USP48: variants seen among roughly 807,000 people sequenced by gnomAD.
USP48 encodes ubiquitin carboxyl-terminal hydrolase 48.
USP48 carries 43 observed loss-of-function variants against 150.7 expected under a neutral mutation model. The observed-to-expected ratio is 0.29, with a 90% confidence interval of 0.22 to 0.37. The LOEUF is 0.37. Ranked by LOEUF, USP48 falls within the 10% of genes least tolerant of loss-of-function variation. USP48 has a pLI of 1.00. For synonymous variants in USP48, 396 were observed against 425.9 expected (o/e 0.93, Z 0.86); for missense variants, 813 against 1,249.6 (o/e 0.65, Z 5.27).
intron 11 of USP48, among the ~76,000 whole-genome samples, chr1:21,726,886 T>C (rs1178681190): frequency 6.6e-6 from 1 of 152,084 alleles, no homozygotes; most frequent in Non-Finnish European, 1.5e-5. Flanking sequence ...AACCTCAGCA[T>C]TTGATGAGGA....
chr1:21,723,218 G>A (rs2097726641), intron 12 of USP48, among the ~76,000 whole-genome samples: 2 of 152,040 alleles, frequency 1.3e-5, no homozygotes. Flanking sequence ...CTCACACACT[G>A]TTAGAAGTCA....
intron 15 of USP48, among the ~76,000 whole-genome samples, chr1:21,707,800 T>C (rs541148139): frequency 2.0e-5 from 3 of 152,220 alleles, no homozygotes; most frequent in Non-Finnish European, 2.9e-5. Flanking sequence ...CTTTCCATAA[T>C]AAATGAATTT....
chr1:21,755,073 TTCC>T (rs1312643134), intron 3 of USP48, among the ~76,000 whole-genome samples: 1 of 152,212 alleles, frequency 6.6e-6, no homozygotes, highest in African/African-American at 2.4e-5. Flanking sequence ...TATTAATCAA[TTCC>T]TCATTTCTCT....
chr1:21,692,013 TGTG>T (rs1231553728), intron 23 of USP48, among the ~76,000 whole-genome samples: 1 of 152,136 alleles, frequency 6.6e-6, no homozygotes, highest in Non-Finnish European at 1.5e-5. Context: ...CCTTGAACTG[TGTG>T]TGTAACAGGG....
At chr1:21,762,585 G>A (rs934848249) in intron 1 of USP48, among the ~76,000 whole-genome samples, 5 of 151,920 alleles carry the variant, frequency 3.3e-5, no homozygotes, top group Admixed American at 2.6e-4. Flanking sequence ...TTTTTCACAC[G>A]GGCCGGGCGC....
chr1:21,683,611 T>G (rs1407467736), intron 25 of USP48, among the ~76,000 whole-genome samples: 2 of 152,202 alleles, frequency 1.3e-5, no homozygotes, highest in Non-Finnish European at 2.9e-5. Flanking sequence ...GGTCCTGAAC[T>G]CTTGGGTTCA....
At chr1:21,681,004 G>C (rs997753004) in intron 25 of USP48, 170 bp from the exon 26 acceptor site, 1 of 576,344 alleles carries the variant, frequency 1.7e-6, no homozygotes, top group Non-Finnish European at 3.0e-6. Flanking sequence ...AACAATCTTT[G>C]TTTCTGTTTT....
chr1:21,729,005 G>A (rs1433234372), intron 10 of USP48, among the ~76,000 whole-genome samples: 1 of 152,082 alleles, frequency 6.6e-6, no homozygotes, highest in African/African-American at 2.4e-5. Flanking sequence ...ATGACGCCAG[G>A]CGGGCGCAGT....
chr1:21,736,384 C>T, intron 9 of USP48, 62 bp downstream of exon 9: 1 of 1,442,012 alleles, frequency 6.9e-7, no homozygotes, highest in Non-Finnish European at 9.3e-7. Context: ...TAATTTATCA[C>T]AAATATTTCT....
At chr1:21,778,278 CA>C (rs1168598531) in intron 1 of USP48, among the ~76,000 whole-genome samples, 1 of 151,908 alleles carries the variant, frequency 6.6e-6, no homozygotes, top group Non-Finnish European at 1.5e-5. Flanking sequence ...AATAAGTACA[CA>C]AAAAGATGTT....
At chr1:21,738,476 C>T (rs1277417994) in intron 8 of USP48, among the ~76,000 whole-genome samples, 2 of 151,632 alleles carry the variant, frequency 1.3e-5, no homozygotes, top group Non-Finnish European at 2.9e-5. Flanking sequence ...CTTGCCTCAA[C>T]CTCCCAAGTA....
chr1:21,746,047 C>A (rs2097793733), intron 8 of USP48, among the ~76,000 whole-genome samples: 1 of 152,110 alleles, frequency 6.6e-6, no homozygotes. Flanking sequence ...CCCAACTTTC[C>A]CAATCATGTC....
intron 8 of USP48, 136 bp downstream of exon 8, chr1:21,746,931 T>C (rs1480523935): frequency 1.4e-5 from 9 of 623,414 alleles, no homozygotes; most frequent in East Asian, 3.0e-5. Flanking sequence ...AAAGTCTTTG[T>C]TCCCAGACAG....
At position 21,705,910 on chromosome 1, in the gene USP48, A is replaced by C. The variant is rs1483668297; in HGVS notation, c.2274-73T>G. On this transcript the variant is annotated intron_variant, in intron 18 of 26. Transcript: ENST00000308271. Reference sequence around the variant, plus strand: ...CGAAAGAGAAGATTTTAAAATAATTATTTCAAAATCAGAGATATATTTAAG... The same window carrying C: ...CGAAAGAGAAGATTTTAAAATAATTCTTTCAAAATCAGAGATATATTTAAG... The C allele has an allele frequency of 1.3e-5, 16 of 1,274,306 alleles. No homozygotes were observed. In the South Asian group the frequency reaches 2.3e-4, roughly 19 times the overall value. The allele number at this position is 1,274,306 out of a possible 1,614,324, so 78.9% of individuals were successfully genotyped here. A position where few individuals can be genotyped will look rare whatever the true frequency, so the allele number is the denominator to read the frequency against.
chr1:21,759,168 A>AGC (rs2097844106), intron 1 of USP48, among the ~76,000 whole-genome samples: 1 of 135,124 alleles, frequency 7.4e-6, no homozygotes, highest in Admixed American at 7.7e-5. Context: ...GGCAACAGAG[A>AGC]GAGACACGGT....
intron 7 of USP48, 102 bp downstream of exon 7, chr1:21,748,036 C>A: frequency 8.2e-7 from 1 of 1,225,096 alleles, no homozygotes; most frequent in Non-Finnish European, 1.1e-6. Context: ...ATCCTCAAAT[C>A]TAGAGTTTCA....
At chr1:21,743,750 T>C (rs2097787361) in intron 8 of USP48, among the ~76,000 whole-genome samples, 1 of 152,206 alleles carries the variant, frequency 6.6e-6, no homozygotes, top group Admixed American at 6.5e-5. Flanking sequence ...TTTCTTGATC[T>C]GGGGAGTACA....
intron 2 of USP48, 119 bp downstream of exon 2, chr1:21,757,544 T>C: frequency 1.8e-6 from 2 of 1,133,128 alleles, no homozygotes; most frequent in Non-Finnish European, 2.4e-6. Context: ...CTACTGCTTA[T>C]CTTAAAGCTG....
At chr1:21,720,925 G>A (rs753194355) in intron 14 of USP48, 111 bp downstream of exon 14, 16 of 1,419,436 alleles carry the variant, frequency 1.1e-5, no homozygotes, top group Admixed American at 7.5e-5. Flanking sequence ...TGATCTGCCC[G>A]TCTGAGCCTC....
Sources: allele counts gnomAD v4.1 joint callset (sites outside exome capture counted in the v4.1 genomes callset), GRCh38; gene constraint gnomAD v4.1.1; transcripts MANE v1.5; gene names NCBI Gene and HGNC (gene_info 2026-07-23, HGNC 2026-07-21).